Variants in BMP7 observed in about 807,000 individuals in gnomAD.
BMP7 encodes the protein bone morphogenetic protein 7, also known as osteogenic protein 1.
BMP7 carries 12 observed loss-of-function variants against 41.2 expected under a neutral mutation model. That is an observed-to-expected ratio of 0.29 (90% CI 0.19 to 0.47). The LOEUF is 0.47. Among genes scored for constraint, BMP7 ranks in the 20% least tolerant of loss-of-function variants. The pLI, the probability that BMP7 is intolerant of heterozygous loss-of-function variation, is 0.99. For missense variants in BMP7, 467 were observed against 606.0 expected, an observed-to-expected ratio of 0.77 and a Z score of 2.41; for synonymous variants, 248 against 250.0, an observed-to-expected ratio of 0.99 and a Z score of 0.07.
chr20:57,245,070 C>G (rs1371622535), intron 1 of BMP7, among the ~76,000 whole-genome samples: 1 of 152,216 alleles, frequency 6.6e-6, no homozygotes, highest in Non-Finnish European at 1.5e-5. Flanking sequence ...AAGCCACACT[C>G]TGTCCCTGGA....
At chr20:57,234,076 C>T (rs1362350841) in intron 1 of BMP7, among the ~76,000 whole-genome samples, 1 of 152,086 alleles carries the variant, frequency 6.6e-6, no homozygotes, top group Non-Finnish European at 1.5e-5. Flanking sequence ...TGCCCATGTC[C>T]CCCCACCCCC....
At chr20:57,173,172 C>G in intron 6 of BMP7, 28 bp downstream of exon 6, 1 of 1,606,660 alleles carries the variant, frequency 6.2e-7, no homozygotes, top group Non-Finnish European at 8.5e-7. Flanking sequence ...GCCCAGGTGA[C>G]CACACCCCAA....
chr20:57,257,019 G>A (rs959815176), intron 1 of BMP7, among the ~76,000 whole-genome samples: 1 of 152,112 alleles, frequency 6.6e-6, no homozygotes, highest in Admixed American at 6.6e-5. Context: ...AAAAGCCAAC[G>A]CACAGTTCAC....
Position 57,196,756 on chromosome 20 carries a change from C to G in BMP7, c.760+5719G>C, listed in dbSNP as rs115301428. On this transcript the variant is annotated intron_variant, in intron 3 of 6. Transcript: ENST00000395863. Reference sequence around the variant, plus strand: ...CTGGGCACCTGCAATTCCAGCTACTCAGGAGGCTGAGGCTAGAGGATCGCT... The same window carrying G: ...CTGGGCACCTGCAATTCCAGCTACTGAGGAGGCTGAGGCTAGAGGATCGCT... Among the ~76,000 whole-genome samples the G allele has an allele frequency of 1.6e-3, 249 of 152,300 alleles. 1 individual carries two copies. Among genetic ancestry groups the G allele is most frequent in the Middle Eastern group, 3.4e-3 (1 of 294 alleles).
chr20:57,252,779 C>T (rs892860225), intron 1 of BMP7, among the ~76,000 whole-genome samples: 2 of 152,166 alleles, frequency 1.3e-5, no homozygotes, highest in South Asian at 2.1e-4. Flanking sequence ...TGGGTCAGTG[C>T]GTTTGAGGCT....
chr20:57,218,661 A>G (rs1844717066), intron 2 of BMP7, among the ~76,000 whole-genome samples: 2 of 139,856 alleles, frequency 1.4e-5, no homozygotes, highest in Non-Finnish European at 3.0e-5. Context: ...GTTCGGTGGT[A>G]GCTGGTGTTT....
Position 57,265,742 on chromosome 20 carries a change from G to C in BMP7, c.381C>G (p.Leu127=). The change falls in exon 1 of 7, where the codon CTC becomes CTG. Residue 127 remains leucine, a synonymous_variant. Transcript: ENST00000395863. ...AGCTCATGACCATGTCGGCGTCGGT[G>C]AGGAAATGGCTATCTTGCAGGCTGG... is the stretch of plus-strand genomic sequence containing the variant. ...PLASLQDSHF[L]TDADMVMSFV... 6.2e-7 allele frequency: 1 copy of C among 1,610,196 alleles called. No homozygotes were observed. The highest frequency in any genetic ancestry group is 1.3e-5 in the African/African-American group (1 of 74,998).
intron 2 of BMP7, among the ~76,000 whole-genome samples, chr20:57,218,559 G>A (rs1027076691): frequency 6.6e-6 from 1 of 151,320 alleles, no homozygotes; most frequent in Non-Finnish European, 1.5e-5. Flanking sequence ...GTGTTTTGTA[G>A]TAGTAGCTGG....
intron 1 of BMP7, among the ~76,000 whole-genome samples, chr20:57,264,295 T>C (rs1175859557): frequency 6.6e-6 from 1 of 152,182 alleles, no homozygotes; most frequent in Non-Finnish European, 1.5e-5. Context: ...GGCTTCAGTA[T>C]CATTATTTCC....
In BMP7 at chr20:57,174,456, C is replaced by A. The variant is rs918366762; in HGVS notation, c.1035+475G>T. 1.3e-5 allele frequency among the ~76,000 whole-genome samples: 2 copies of A among 152,156 alleles called. No homozygotes were observed. The highest frequency in any genetic ancestry group is 4.8e-5 in the African/African-American group (2 of 41,426). Reference sequence around the variant, plus strand: ...TCCATGCAAATGGCTCCAGAGGGGGCAGCCATGTGCCAGTAACATGACCCC... The same window carrying A: ...TCCATGCAAATGGCTCCAGAGGGGGAAGCCATGTGCCAGTAACATGACCCC... On this transcript the variant is annotated intron_variant, in intron 5 of 6. Coordinates refer to ENST00000395863, the MANE Select transcript of BMP7 (RefSeq NM_001719.3). This position sits in a 1 kb window ranked among gnomAD's most constrained non-coding sequence, Gnocchi z 4.3.
At chr20:57,172,700 G>A (rs140244153) in intron 6 of BMP7, among the ~76,000 whole-genome samples, 13 of 152,336 alleles carry the variant, frequency 8.5e-5, no homozygotes, top group Non-Finnish European at 1.5e-4. Context: ...TGCTGGGCAC[G>A]TTAATCTCAT....
At chr20:57,179,582 G>GAGGATGTGCCCCCGCCCC (rs1249924723) in intron 4 of BMP7, among the ~76,000 whole-genome samples, 10 of 152,344 alleles carry the variant, frequency 6.6e-5, no homozygotes, top group African/African-American at 1.7e-4. Flanking sequence ...TAGCGTGCCG[G>GAGGATGTGCCCCCGCCCC]AGCATGTGCC....
At chr20:57,201,396 C>T (rs1244355980) in intron 3 of BMP7, among the ~76,000 whole-genome samples, 6 of 152,132 alleles carry the variant, frequency 3.9e-5, no homozygotes, top group South Asian at 2.1e-4. Flanking sequence ...GACCAGTCTC[C>T]GAGATAAGTC....
chr20:57,180,683 T>C (rs1271665545), intron 4 of BMP7, among the ~76,000 whole-genome samples: 2 of 152,088 alleles, frequency 1.3e-5, no homozygotes, highest in African/African-American at 2.4e-5. Flanking sequence ...ATTTGGTTGG[T>C]TTTTGACTTG....
chr20:57,191,202 G>A (rs73287969), intron 3 of BMP7, among the ~76,000 whole-genome samples: 127 of 152,304 alleles, frequency 8.3e-4, no homozygotes, highest in African/African-American at 3.0e-3. Context: ...GGTGCATCAT[G>A]AAGCATCAAC....
intron 2 of BMP7, among the ~76,000 whole-genome samples, chr20:57,226,166 G>A (rs2066005301): frequency 6.6e-6 from 1 of 152,226 alleles, no homozygotes; most frequent in African/African-American, 2.4e-5. Flanking sequence ...TGGATCTCAG[G>A]CAAGACAGCA....
chr20:57,176,750 TCACACACACA>T (rs60465573), intron 4 of BMP7, among the ~76,000 whole-genome samples: 125 of 135,508 alleles, frequency 9.2e-4, no homozygotes, highest in African/African-American at 2.0e-3. Context: ...CATTCTCCAT[TCACACACACA>T]CACACACACA....
chr20:57,218,777 G>A (rs931525882), intron 2 of BMP7, among the ~76,000 whole-genome samples: 1 of 146,120 alleles, frequency 6.8e-6, no homozygotes, highest in African/African-American at 2.6e-5. Context: ...TGTTTGTTTG[G>A]TGGTAGCTGG....
chr20:57,192,108 AAT>A lies in BMP7; in HGVS notation c.761-8191_761-8190del, dbSNP rs1278704940. On this transcript the variant is annotated intron_variant, in intron 3 of 6. Transcript: ENST00000395863. The stretch of plus-strand genomic sequence containing the variant: ...TTTATTTATATTTATAAATTTATAT[AAT>A]ATATACATATTATACTATATATTAT... Among the ~76,000 whole-genome samples, 296 of 124,758 alleles carry A rather than the reference AAT, an allele frequency of 2.4e-3. 1 individual carries two copies. Among genetic ancestry groups the A allele is most frequent in the Non-Finnish European group, 3.6e-3 (228 of 64,020 alleles). 81.8% of individuals were successfully genotyped at this position (124,758 alleles called of 152,430 possible).
Sources: gnomAD v4.1 joint callset for allele counts (sites outside exome capture counted in the v4.1 genomes callset) on GRCh38, gnomAD v4.1.1 for gene constraint, Gnocchi (gnomAD v3.1) non-coding constraint, MANE v1.5 for transcripts, NCBI Gene and HGNC (gene_info 2026-07-23, HGNC 2026-07-21) for gene names.